Variants in MALRD1 observed in about 807,000 individuals in gnomAD.
The protein encoded by MALRD1 is MAM and LDL receptor class A domain containing 1.
Under a neutral mutation model 242.1 loss-of-function variants are expected in MALRD1, and 247 were observed. The observed-to-expected ratio is 1.02, with a 90% CI of 0.92 to 1.13. The LOEUF (loss-of-function observed/expected upper bound fraction) is 1.13. Ranked by LOEUF, MALRD1 falls within the 50% of genes most tolerant of loss-of-function variation. The probability of loss-of-function intolerance (pLI) is 0.00; values close to 1 mark genes in which losing one functional copy is unlikely to be tolerated. For synonymous variants in MALRD1, 995 were observed against 866.6 expected, an observed-to-expected ratio of 1.15 and a Z score of -2.60; for missense variants, 2,989 against 2,533.1, an observed-to-expected ratio of 1.18 and a Z score of -3.86.
intron 18 of MALRD1, among the ~76,000 whole-genome samples, chr10:19,218,065 G>A (rs892494119): frequency 4.6e-5 from 7 of 151,962 alleles, no homozygotes; most frequent in African/African-American, 1.7e-4. Context: ...GTTCAAAAGA[G>A]TTCCTTAGTG....
intron 7 of MALRD1, among the ~76,000 whole-genome samples, chr10:19,125,339 TTC>T (rs1564408017): frequency 2.3e-5 from 2 of 86,014 alleles, no homozygotes; most frequent in Non-Finnish European, 4.6e-5. Context: ...CTTTCTTTCT[TTC>T]TTTCTTTCTT....
At chr10:19,386,430 C>G (rs1489808885) in intron 26 of MALRD1, among the ~76,000 whole-genome samples, 1 of 150,292 alleles carries the variant, frequency 6.7e-6, no homozygotes, top group Non-Finnish European at 1.5e-5. Flanking sequence ...AAAAAAATGT[C>G]AGATCCTGTA....
At chr10:19,599,499 C>A (rs74437595) in intron 34 of MALRD1, among the ~76,000 whole-genome samples, 3,963 of 152,096 alleles carry the variant, frequency 0.026, 91 homozygotes, top group Middle Eastern at 0.058. Flanking sequence ...TATGGAAGAA[C>A]AGCACAAAAC....
intron 36 of MALRD1, among the ~76,000 whole-genome samples, chr10:19,643,716 A>C (rs1413565125): frequency 6.6e-6 from 1 of 152,170 alleles, no homozygotes; most frequent in Non-Finnish European, 1.5e-5. Flanking sequence ...GTCCAGAAAC[A>C]CTGCCTATTC....
At chr10:19,472,992 C>G (rs1435131248) in intron 29 of MALRD1, among the ~76,000 whole-genome samples, 1 of 150,782 alleles carries the variant, frequency 6.6e-6, no homozygotes. Context: ...ATTTTAATAT[C>G]CTAGACAATA....
At chr10:19,559,449 C>T (rs1432977361) in intron 32 of MALRD1, among the ~76,000 whole-genome samples, 1 of 152,004 alleles carries the variant, frequency 6.6e-6, no homozygotes, top group Non-Finnish European at 1.5e-5. Context: ...CACTTCATCC[C>T]ATATACTTTG....
intron 2 of MALRD1, among the ~76,000 whole-genome samples, chr10:19,067,759 T>C (rs1209403563): frequency 6.6e-6 from 1 of 152,124 alleles, no homozygotes; most frequent in Non-Finnish European, 1.5e-5. Flanking sequence ...GGATGGTTAT[T>C]TTAAGAACTA....
intron 31 of MALRD1, among the ~76,000 whole-genome samples, chr10:19,519,902 C>G (rs1317562169): frequency 2.0e-5 from 3 of 152,156 alleles, no homozygotes; most frequent in Admixed American, 6.5e-5. Flanking sequence ...GGGGTTCTTA[C>G]AGTTGCTATT....
At chr10:19,255,056 G>A (rs11009149) in intron 18 of MALRD1, among the ~76,000 whole-genome samples, 7,203 of 152,066 alleles carry the variant, frequency 0.047, 243 homozygotes, top group Middle Eastern at 0.075. Flanking sequence ...GTTCCAACGT[G>A]GTTACCAAGG....
intron 32 of MALRD1, among the ~76,000 whole-genome samples, chr10:19,542,493 C>T (rs1449202809): frequency 2.0e-5 from 3 of 151,664 alleles, no homozygotes; most frequent in African/African-American, 7.3e-5. Flanking sequence ...AGTTATAATT[C>T]ATTTTTGTTT....
chr10:19,065,010 G>T (rs1006442410), intron 1 of MALRD1, among the ~76,000 whole-genome samples: 1 of 145,662 alleles, frequency 6.9e-6, no homozygotes, highest in East Asian at 2.0e-4. Flanking sequence ...GAAAAGGGCC[G>T]GGTGCGGTTG....
intron 11 of MALRD1, among the ~76,000 whole-genome samples, chr10:19,150,230 G>A (rs1299011924): frequency 1.3e-5 from 2 of 151,970 alleles, no homozygotes; most frequent in Admixed American, 1.3e-4. Flanking sequence ...TTTTGTTTTT[G>A]TTTTTGTTTT....
chr10:19,486,761 C>A (rs746121988), intron 29 of MALRD1, among the ~76,000 whole-genome samples: 1 of 152,098 alleles, frequency 6.6e-6, no homozygotes, highest in African/African-American at 2.4e-5. Context: ...ATGATTATAT[C>A]TGGTTCAGTG....
intron 4 of MALRD1, among the ~76,000 whole-genome samples, chr10:19,101,501 C>T (rs1836252345): frequency 7.5e-6 from 1 of 133,810 alleles, no homozygotes; most frequent in Admixed American, 7.9e-5. Flanking sequence ...AAATATATAG[C>T]ATATGTATAT....
chr10:19,524,491 G>T (rs537906689), intron 31 of MALRD1, among the ~76,000 whole-genome samples: 1 of 151,960 alleles, frequency 6.6e-6, no homozygotes, highest in Non-Finnish European at 1.5e-5. Context: ...GCAGATGCAC[G>T]TTGGAAATCT....
chr10:19,363,522 G>A (rs1239445070), intron 26 of MALRD1, among the ~76,000 whole-genome samples: 2 of 152,130 alleles, frequency 1.3e-5, no homozygotes, highest in Non-Finnish European at 2.9e-5. Context: ...TTTTATGAGA[G>A]CAATTTTGCA....
intron 33 of MALRD1, among the ~76,000 whole-genome samples, chr10:19,573,060 G>A (rs1472182780): frequency 6.6e-6 from 1 of 152,282 alleles, no homozygotes; most frequent in South Asian, 2.1e-4. Context: ...CAAGAACTGG[G>A]TGCAGATGTT....
chr10:19,536,904 G>C lies in MALRD1; in HGVS notation c.5478+5553G>C, dbSNP rs555178276. On this transcript the variant is annotated intron_variant, in intron 32 of 39. Coordinates refer to ENST00000454679, the MANE Select transcript of MALRD1 (RefSeq NM_001142308.3). ...AATTACTCATCACCTGCTGAGAGAG[G>C]CATTTGATATTAATGGTAAGAAAGC... Among the ~76,000 whole-genome samples the C allele has an allele frequency of 7.6e-4, 115 of 152,240 alleles. 2 individuals carry two copies. The South Asian group carries it at 0.023, about 31-fold the overall frequency.
chr10:19,267,266 G>T (rs996424035), intron 19 of MALRD1, among the ~76,000 whole-genome samples: 2 of 152,018 alleles, frequency 1.3e-5, no homozygotes, highest in African/African-American at 4.8e-5. Context: ...GAATATCCAT[G>T]TTTACATTAT....
Sources: gnomAD v4.1 joint callset for allele counts (sites outside exome capture counted in the v4.1 genomes callset) on GRCh38, gnomAD v4.1.1 for gene constraint, MANE v1.5 for transcripts, NCBI Gene and HGNC (gene_info 2026-07-23, HGNC 2026-07-21) for gene names.